COLEC10: variants seen among roughly 807,000 people sequenced by gnomAD.
COLEC10 encodes the protein collectin subfamily member 10.
In COLEC10, 22 loss-of-function variants were observed where a neutral mutation model predicts 28.4. That is an observed-to-expected ratio of 0.78 (90% CI 0.55 to 1.11). The LOEUF (loss-of-function observed/expected upper bound fraction) is 1.11, where lower values mean the gene tolerates loss of function less well. Ranked by LOEUF, COLEC10 falls within the 50% of genes least tolerant of loss-of-function variation. The probability of loss-of-function intolerance (pLI) is 0.00; values close to 1 mark genes in which losing one functional copy is unlikely to be tolerated. For missense variants in COLEC10, 361 were observed against 344.1 expected (o/e 1.05, Z -0.39); for synonymous variants, 125 against 116.1 (o/e 1.08, Z -0.49).
upstream of COLEC10, among the ~76,000 whole-genome samples, chr8:118,991,345 G>A (rs940247350): frequency 6.6e-6 from 1 of 152,124 alleles, no homozygotes; most frequent in Non-Finnish European, 1.5e-5. Flanking sequence ...TCAAGTTGCT[G>A]TGAAGATCGA....
At chr8:119,084,864 G>T (rs918890609) in intron 1 of COLEC10, among the ~76,000 whole-genome samples, 17 of 151,662 alleles carry the variant, frequency 1.1e-4, no homozygotes, top group African/African-American at 3.1e-4. Context: ...TACAATAAAG[G>T]GTAAAAAAAA....
chr8:118,979,445 T>C, the COLEC10 span, among the ~76,000 whole-genome samples: 1 of 152,062 alleles, frequency 6.6e-6, no homozygotes, highest in Non-Finnish European at 1.5e-5. Context: ...ATTATTAAAA[T>C]ACAGTAAGGT....
At position 119,067,330 on chromosome 8, in the gene COLEC10, G is replaced by C. The variant is rs367555293; in HGVS notation, c.49G>C (p.Val17Leu). The change falls in exon 1 of 6, where the codon GTA becomes CTA. Residue 17 changes from valine (V) to leucine (L), a missense_variant. Physicochemically the swap from Val to Leu is conservative, Grantham distance 32 (BLOSUM62 1). Around this residue, in one of 3 missense-constraint regions of COLEC10, gnomAD observed 335 missense variants for 308.5 expected, o/e 1.09. Transcript: ENST00000332843. ...TCGAAGAAACCAATTTATCCTCCTG[G>C]TACTATTTCTTTTGCAAATTCAGAG... Reference protein sequence around the residue: ...LLRRNQFILLVLFLLQIQSLG... With the variant: ...LLRRNQFILLLLFLLQIQSLG... 2.0e-5 allele frequency: 32 copies of C among 1,613,846 alleles called. No individual in the cohort carries two copies. Among genetic ancestry groups the C allele is most frequent in the Non-Finnish European group, 2.6e-5 (31 of 1,179,940 alleles).
intron 1 of COLEC10, among the ~76,000 whole-genome samples, chr8:119,006,575 T>C (rs945454872): frequency 1.3e-5 from 2 of 152,038 alleles, no homozygotes; most frequent in Non-Finnish European, 2.9e-5. Flanking sequence ...TCCCAATAGC[T>C]GTTGGTGTAA....
intron 3 of COLEC10, among the ~76,000 whole-genome samples, chr8:119,092,850 G>A (rs1815636213): frequency 6.6e-6 from 1 of 152,012 alleles, no homozygotes; most frequent in African/African-American, 2.4e-5. Context: ...AGTTTGCATT[G>A]AGCCAAGATC....
At chr8:119,006,003 G>T (rs1324255287) in intron 1 of COLEC10, among the ~76,000 whole-genome samples, 2 of 152,064 alleles carry the variant, frequency 1.3e-5, no homozygotes, top group Admixed American at 1.3e-4. Context: ...TCTGTGGTGT[G>T]CAGCAGTGCT....
At chr8:119,030,744 G>T (rs1204399300) in intron 2 of COLEC10, among the ~76,000 whole-genome samples, 1 of 152,186 alleles carries the variant, frequency 6.6e-6, no homozygotes, top group East Asian at 1.9e-4. Flanking sequence ...TTAAGAAAAT[G>T]TGGTTCCATC....
chr8:119,020,713 A>T (rs1814075685), intron 2 of COLEC10, among the ~76,000 whole-genome samples: 1 of 152,170 alleles, frequency 6.6e-6, no homozygotes, highest in Non-Finnish European at 1.5e-5. Flanking sequence ...TTACTTTTTT[A>T]TTATAAGTCT....
rs1311916461 is a variant in COLEC10 at position 119,107,594 on chromosome 8, T to G, written c.*1403T>G. Among the ~76,000 whole-genome samples, 1 of 152,184 alleles carries G rather than the reference T, an allele frequency of 6.6e-6. No homozygotes were observed. The highest frequency in any genetic ancestry group is 1.5e-5 in the Non-Finnish European group (1 of 68,026). ...GATTTCACCCGTGACTAACTGGTTA[T>G]GAGATAGGACTTAATTAGGTTATTT... is the stretch of plus-strand genomic sequence containing the variant. On this transcript the variant is annotated 3_prime_UTR_variant, in exon 6 of 6. Transcript: ENST00000332843.
intron 1 of COLEC10, among the ~76,000 whole-genome samples, chr8:119,072,508 T>C (rs1815144648): frequency 6.6e-6 from 1 of 152,134 alleles, no homozygotes; most frequent in Non-Finnish European, 1.5e-5. Context: ...AGGTAAGAAT[T>C]ATTAAGTCAC....
rs569441773 is a variant in COLEC10 at position 119,051,756 on chromosome 8, A to G, written n.236-37924A>G. Among the ~76,000 whole-genome samples the G allele has an allele frequency of 8.5e-5, 13 of 152,312 alleles. No homozygotes were observed. The South Asian group carries it at 2.7e-3, about 32-fold the overall frequency. Reference sequence around the variant, plus strand: ...TAAATTTTCAGTTTCTTAAATGTATAACATACACAGTTTTTAACACGTTGA... The same window carrying G: ...TAAATTTTCAGTTTCTTAAATGTATGACATACACAGTTTTTAACACGTTGA... On this transcript the variant is annotated intron_variant and non_coding_transcript_variant, in intron 2 of 6. Transcript: ENST00000521788.
chr8:119,060,110 T>C (rs1290394622), intron 2 of COLEC10, among the ~76,000 whole-genome samples: 1 of 152,084 alleles, frequency 6.6e-6, no homozygotes, highest in Non-Finnish European at 1.5e-5. Context: ...TGGGTCCATA[T>C]GGAAGATTAA....
At chr8:119,096,135 C>A (rs1036636029) in intron 3 of COLEC10, among the ~76,000 whole-genome samples, 1 of 152,078 alleles carries the variant, frequency 6.6e-6, no homozygotes, top group Non-Finnish European at 1.5e-5. Context: ...TGGTGGTAAA[C>A]CCAAATCTGA....
At chr8:119,006,620 T>C (rs1388819845) in intron 1 of COLEC10, among the ~76,000 whole-genome samples, 3 of 152,092 alleles carry the variant, frequency 2.0e-5, no homozygotes, top group African/African-American at 7.2e-5. Flanking sequence ...ATGTTCTTTC[T>C]GGATCCTGGG....
intron 1 of COLEC10, 85 bp downstream of exon 1, chr8:119,067,514 T>C (rs1814995351): frequency 1.6e-6 from 2 of 1,268,514 alleles, no homozygotes; most frequent in East Asian, 2.5e-5. Flanking sequence ...TTTCAATGAC[T>C]TTCTCTTCTC....
chr8:118,997,452 A>G (rs1028578833), intron 1 of COLEC10, among the ~76,000 whole-genome samples: 5 of 152,158 alleles, frequency 3.3e-5, no homozygotes, highest in Non-Finnish European at 7.3e-5. Context: ...TCTTACTTTT[A>G]CATCTTTAAT....
chr8:119,072,633 A>G (rs1815146688), intron 1 of COLEC10, among the ~76,000 whole-genome samples: 1 of 152,172 alleles, frequency 6.6e-6, no homozygotes, highest in Admixed American at 6.5e-5. Flanking sequence ...GCCCCTACAC[A>G]GTGTTGATGG....
At chr8:119,089,601 ATGTCCACCTTACCC>A in intron 1 of COLEC10, 65 bp from the exon 2 acceptor site, 1 of 1,136,912 alleles carries the variant, frequency 8.8e-7, no homozygotes, top group South Asian at 1.3e-5. Flanking sequence ...GATTGTAACC[ATGTCCACCTTACCC>A]TGGGAGAATG....
chr8:119,011,605 G>A lies in COLEC10; in HGVS notation n.235+2052G>A, dbSNP rs1214750747. 2.0e-5 allele frequency among the ~76,000 whole-genome samples: 3 copies of A among 150,824 alleles called. No homozygotes were observed. The East Asian group carries it at 5.8e-4, about 29-fold the overall frequency. The stretch of plus-strand genomic sequence containing the variant: ...ACTGAGTTTTCCAATCCATGATCAT[G>A]GAATATTATTTAGTATATTAATTTC... On this transcript the variant is annotated intron_variant and non_coding_transcript_variant, in intron 2 of 6. Coordinates refer to the COLEC10 transcript ENST00000521788.
Sources: allele counts gnomAD v4.1 joint callset (sites outside exome capture counted in the v4.1 genomes callset), GRCh38; gene constraint gnomAD v4.1.1; regional missense constraint gnomAD v4.1.1; transcripts MANE v1.5; gene names NCBI Gene and HGNC (gene_info 2026-07-23, HGNC 2026-07-21).